Variants in DUSP16 observed in about 807,000 individuals in gnomAD.
DUSP16 encodes the protein dual specificity protein phosphatase 16.
In DUSP16, 21 loss-of-function variants were observed where a neutral mutation model predicts 58.3. That is an observed-to-expected ratio of 0.36 (90% CI 0.26 to 0.52). The LOEUF (loss-of-function observed/expected upper bound fraction) is 0.52, where lower values mean the gene tolerates loss of function less well. Among genes scored for constraint, DUSP16 ranks in the 20% least tolerant of loss-of-function variants. The pLI is 0.94. For synonymous variants in DUSP16, 320 were observed against 323.8 expected, an observed-to-expected ratio of 0.99 and a Z score of 0.12; for missense variants, 726 against 819.0, an observed-to-expected ratio of 0.89 and a Z score of 1.39.
chr12:12,502,253 A>G (rs1280617753), intron 3 of DUSP16, among the ~76,000 whole-genome samples: 2 of 152,232 alleles, frequency 1.3e-5, no homozygotes, highest in Non-Finnish European at 1.5e-5. Context: ...AGCATAATTC[A>G]GCCAGACGCC....
Position 12,545,304 on chromosome 12 carries a change from G to C in DUSP16, c.-366+16813C>G, listed in dbSNP as rs1332104451. Among the ~76,000 whole-genome samples, 2 of 152,114 alleles carry C rather than the reference G, an allele frequency of 1.3e-5. 1 individual carries two copies. Among genetic ancestry groups the C allele is most frequent in the South Asian group, 4.1e-4 (2 of 4,834 alleles). Reference sequence around the variant, plus strand: ...AGATGGATTCTCGCTCTGTCACCCAGGCTGGAGTGCAGTGGCATGATCTCA... The same window carrying C: ...AGATGGATTCTCGCTCTGTCACCCACGCTGGAGTGCAGTGGCATGATCTCA... On this transcript the variant is annotated intron_variant, in intron 1 of 6. Transcript: ENST00000298573.
intron 1 of DUSP16, among the ~76,000 whole-genome samples, chr12:12,521,905 T>A (rs80070391): frequency 1.3e-5 from 2 of 151,648 alleles, no homozygotes; most frequent in African/African-American, 2.4e-5. Context: ...AAAAAAAAAA[T>A]ATTTTCTGAA....
intron 1 of DUSP16, among the ~76,000 whole-genome samples, chr12:12,539,057 G>A (rs1944511344): frequency 6.6e-6 from 1 of 152,096 alleles, no homozygotes; most frequent in South Asian, 2.1e-4. Context: ...TGAGGAATGG[G>A]CCCAGGCATC....
chr12:12,479,361 G>C (rs1164176513), intron 6 of DUSP16, among the ~76,000 whole-genome samples: 1 of 152,136 alleles, frequency 6.6e-6, no homozygotes, highest in Non-Finnish European at 1.5e-5. Context: ...AAGTATAAAT[G>C]TAGGGTGCTC....
At chr12:12,552,432 C>T (rs1157257505) in intron 1 of DUSP16, among the ~76,000 whole-genome samples, 1 of 151,590 alleles carries the variant, frequency 6.6e-6, no homozygotes, top group Non-Finnish European at 1.5e-5. Context: ...GGCGACAGAG[C>T]GAGACTATCT....
At chr12:12,496,400 A>C (rs1047959597) in intron 4 of DUSP16, among the ~76,000 whole-genome samples, 2 of 152,222 alleles carry the variant, frequency 1.3e-5, no homozygotes, top group Non-Finnish European at 2.9e-5. Context: ...CAGTCTTCCT[A>C]CTGTGTACCA....
intron 5 of DUSP16, among the ~76,000 whole-genome samples, chr12:12,486,717 G>A (rs1236879438): frequency 6.6e-6 from 1 of 152,136 alleles, no homozygotes; most frequent in Non-Finnish European, 1.5e-5. Context: ...AAAAGTTGGG[G>A]GAAGAATTTA....
intron 1 of DUSP16, among the ~76,000 whole-genome samples, chr12:12,560,103 A>G (rs1209819861): frequency 1.3e-5 from 2 of 152,192 alleles, no homozygotes; most frequent in African/African-American, 2.4e-5. Context: ...TTGAAAAAGG[A>G]GCAAAACTGG....
intron 5 of DUSP16, among the ~76,000 whole-genome samples, chr12:12,482,565 G>A (rs1186523068): frequency 1.3e-5 from 2 of 152,208 alleles, no homozygotes; most frequent in African/African-American, 4.8e-5. Flanking sequence ...AGAGGAGAAG[G>A]GAAATGTGTG....
At chr12:12,533,028 G>T (rs1347879423) in intron 1 of DUSP16, among the ~76,000 whole-genome samples, 1 of 151,682 alleles carries the variant, frequency 6.6e-6, no homozygotes, top group Non-Finnish European at 1.5e-5. Context: ...AAGCTGAAAT[G>T]GATTTATAAA....
chr12:12,532,484 G>T (rs1372658362), intron 1 of DUSP16, among the ~76,000 whole-genome samples: 1 of 152,156 alleles, frequency 6.6e-6, no homozygotes, highest in Non-Finnish European at 1.5e-5. Flanking sequence ...CATAGTAATA[G>T]TTTTACTTAG....
chr12:12,546,637 A>G (rs1447779584), intron 1 of DUSP16, among the ~76,000 whole-genome samples: 1 of 152,230 alleles, frequency 6.6e-6, no homozygotes. Context: ...AGACAACACT[A>G]GATAGACATG....
chr12:12,539,066 T>C (rs1469122031), intron 1 of DUSP16, among the ~76,000 whole-genome samples: 2 of 152,076 alleles, frequency 1.3e-5, no homozygotes, highest in African/African-American at 4.8e-5. Context: ...GGCCCAGGCA[T>C]CAGTATTTTT....
intron 1 of DUSP16, among the ~76,000 whole-genome samples, chr12:12,552,232 G>A (rs1305265100): frequency 6.6e-6 from 1 of 151,888 alleles, no homozygotes; most frequent in East Asian, 2.0e-4. Flanking sequence ...GATCACTTGG[G>A]GTCGGGAGTT....
intron 1 of DUSP16, among the ~76,000 whole-genome samples, chr12:12,549,741 ATG>A (rs1944698072): frequency 6.6e-6 from 1 of 151,448 alleles, no homozygotes; most frequent in Non-Finnish European, 1.5e-5. Flanking sequence ...ATGAACAGAT[ATG>A]TGTGTATATA....
At chr12:12,496,926 CCAT>C (rs977693909) in intron 4 of DUSP16, among the ~76,000 whole-genome samples, 4 of 152,140 alleles carry the variant, frequency 2.6e-5, no homozygotes, top group Non-Finnish European at 5.9e-5. Context: ...TACAAAAGAA[CCAT>C]GTCTTTAAAA....
chr12:12,523,951 T>C (rs1480828283), intron 1 of DUSP16, among the ~76,000 whole-genome samples: 1 of 152,156 alleles, frequency 6.6e-6, no homozygotes, highest in African/African-American at 2.4e-5. Flanking sequence ...ATTCCAACAA[T>C]GGCACTGGGT....
chr12:12,482,695 G>C (rs1359475650), intron 5 of DUSP16, among the ~76,000 whole-genome samples: 2 of 152,204 alleles, frequency 1.3e-5, no homozygotes, highest in East Asian at 3.8e-4. Flanking sequence ...GTTTGAGGGT[G>C]GTGGGAATGT....
intron 1 of DUSP16, among the ~76,000 whole-genome samples, chr12:12,527,313 C>T (rs774958058): frequency 5.3e-5 from 8 of 152,168 alleles, no homozygotes; most frequent in Non-Finnish European, 1.0e-4. Flanking sequence ...AGGAGACTAT[C>T]ATATCTGCAA....
Sources: allele counts gnomAD v4.1 joint callset (sites outside exome capture counted in the v4.1 genomes callset), GRCh38; gene constraint gnomAD v4.1.1; transcripts MANE v1.5; gene names NCBI Gene and HGNC (gene_info 2026-07-23, HGNC 2026-07-21).